Variants in PRPF6 observed in about 807,000 individuals in gnomAD.
The protein encoded by PRPF6 is pre-mRNA processing factor 6.
Under a neutral mutation model 118.3 loss-of-function variants are expected in PRPF6, and 42 were observed. The ratio of observed to expected loss-of-function variants is 0.35; its 90% confidence interval spans 0.28 to 0.46. The LOEUF is 0.46. Among genes scored for constraint, PRPF6 ranks in the 20% least tolerant of loss-of-function variants. PRPF6 has a pLI of 1.00. For synonymous variants in PRPF6, 481 were observed against 485.1 expected, an observed-to-expected ratio of 0.99 and a Z score of 0.11; for missense variants, 662 against 1,255.7, an observed-to-expected ratio of 0.53 and a Z score of 7.15.
chr20:64,019,781 G>T (rs2059254671), intron 12 of PRPF6, among the ~76,000 whole-genome samples: 2 of 152,226 alleles, frequency 1.3e-5, no homozygotes, highest in Non-Finnish European at 2.9e-5. Context: ...GGCCCTTGCT[G>T]GTTTCTGTGC....
Position 64,001,068 on chromosome 20 carries a change from G to C in PRPF6, c.1024-9G>C. The C allele has an allele frequency of 2.5e-6, 4 of 1,613,898 alleles. No homozygotes were observed. Among genetic ancestry groups the C allele is most frequent in the Non-Finnish European group, 3.4e-6 (4 of 1,179,946 alleles). On this transcript the variant is annotated splice_polypyrimidine_tract_variant and intron_variant, in intron 8 of 20. Transcript: ENST00000266079. ...CTGAGCCTTATTGGTCTTATCTCTT[G>C]CCTCACAGAGTGAAGATGTCTGGCT...
At chr20:63,997,845 G>A (rs1183018105) in intron 6 of PRPF6, among the ~76,000 whole-genome samples, 1 of 152,056 alleles carries the variant, frequency 6.6e-6, no homozygotes. Context: ...AAAGTGCTGG[G>A]ATTACAGGCA....
In PRPF6 at chr20:64,025,989, C is replaced by T. The variant is rs757720133; in HGVS notation, c.1959C>T (p.Ser653=). The T allele has an allele frequency of 2.0e-5, 32 of 1,613,270 alleles. No individual in the cohort carries two copies. The African/African-American group carries it at 2.7e-4, about 13-fold the overall frequency. The change falls in exon 15 of 21, where the codon TCC becomes TCT. Residue 653 remains serine, a synonymous_variant. Transcript: ENST00000266079. The part of the protein sequence containing the change: ...EIWLAAVKLE[S]ENDEYERARR... ...GGCTGGCAGCCGTGAAGCTGGAGTC[C>T]GAGAATGATGAGTACGAGCGGGCCC...
chr20:64,029,626 C>A lies in PRPF6; in HGVS notation c.2546+135C>A. 1.3e-6 allele frequency: 1 copy of A among 787,060 alleles called. No individual in the cohort carries two copies. The highest frequency in any genetic ancestry group is 2.1e-6 in the Non-Finnish European group (1 of 472,374). 48.8% of individuals were successfully genotyped at this position (787,060 alleles called of 1,614,324 possible). On this transcript the variant is annotated intron_variant, in intron 19 of 20. Transcript: ENST00000266079. This position sits in a 1 kb window ranked among gnomAD's most constrained non-coding sequence, Gnocchi z 4.8. ...GGCTTCCCCGATCCTCGGCTGCCGT[C>A]GCTCCTGCTGTGGTCTGGGGCAGGC... is the stretch of plus-strand genomic sequence containing the variant.
At chr20:63,998,886 GTTA>G (rs1448264761) in intron 6 of PRPF6, among the ~76,000 whole-genome samples, 156 bp from the exon 7 acceptor site, 1 of 151,762 alleles carries the variant, frequency 6.6e-6, no homozygotes, top group Non-Finnish European at 1.5e-5. Flanking sequence ...GAAGAAATTT[GTTA>G]TTATCACAAG....
chr20:64,025,760 T>G (rs531247705), intron 14 of PRPF6, among the ~76,000 whole-genome samples, 179 bp from the exon 15 acceptor site: 2 of 152,356 alleles, frequency 1.3e-5, no homozygotes, highest in South Asian at 4.1e-4. Context: ...CAGGTGAGTC[T>G]GGATTCTTGC....
intron 6 of PRPF6, among the ~76,000 whole-genome samples, chr20:63,997,849 A>G (rs1416500936): frequency 1.3e-5 from 2 of 152,022 alleles, no homozygotes; most frequent in Non-Finnish European, 1.5e-5. Context: ...TGCTGGGATT[A>G]CAGGCATGAG....
At chr20:63,992,449 A>T (rs1169259659) in intron 3 of PRPF6, among the ~76,000 whole-genome samples, 1 of 151,452 alleles carries the variant, frequency 6.6e-6, no homozygotes, top group Non-Finnish European at 1.5e-5. Context: ...TTTAGTATAG[A>T]TGGGGTTTTA....
At chr20:63,993,655 T>TA (rs895878294) in intron 4 of PRPF6, among the ~76,000 whole-genome samples, 170 bp downstream of exon 4, 28 of 149,986 alleles carry the variant, frequency 1.9e-4, no homozygotes, top group African/African-American at 3.6e-4. Context: ...TATATGTGTG[T>TA]AAAAAAAAAC....
At chr20:64,013,874 A>G (rs2059226225) in intron 11 of PRPF6, among the ~76,000 whole-genome samples, 1 of 152,148 alleles carries the variant, frequency 6.6e-6, no homozygotes, top group Admixed American at 6.6e-5. Context: ...CACCCCAGAA[A>G]GAAATCCTGT....
chr20:63,985,676 GAC>G (rs1482203582), intron 3 of PRPF6, among the ~76,000 whole-genome samples: 1 of 152,286 alleles, frequency 6.6e-6, no homozygotes, highest in African/African-American at 2.4e-5. Flanking sequence ...GATGTTAAAT[GAC>G]ACATACAAGC....
At chr20:64,015,655 A>C (rs2059233482) in intron 11 of PRPF6, among the ~76,000 whole-genome samples, 1 of 152,202 alleles carries the variant, frequency 6.6e-6, no homozygotes, top group South Asian at 2.1e-4. Context: ...TGCTGGGTCA[A>C]ATATGTGCCT....
chr20:63,993,259 TGTG>T, intron 3 of PRPF6, 145 bp from the exon 4 acceptor site: 1 of 393,256 alleles, frequency 2.5e-6, no homozygotes, highest in Non-Finnish European at 4.7e-6. Context: ...TGTGTGTGTG[TGTG>T]TATATGTATA....
Position 64,029,886 on chromosome 20 carries a change from G to T in PRPF6, c.2546+395G>T, listed in dbSNP as rs1277524523. Among the ~76,000 whole-genome samples, 7 of 150,574 alleles carry T rather than the reference G, an allele frequency of 4.6e-5. No individual in the cohort carries two copies. The highest frequency in any genetic ancestry group is 9.8e-5 in the African/African-American group (4 of 40,866). On this transcript the variant is annotated intron_variant, in intron 19 of 20. Coordinates refer to ENST00000266079, the MANE Select transcript of PRPF6 (RefSeq NM_012469.4). The surrounding 1 kb of genome is among the most constrained non-coding windows in gnomAD (Gnocchi z 4.8). ...GGACGCATGTGATTCACACTGGTGC[G>T]CTGGCCGCCGGGTCAGAGACTCACT...
In PRPF6 at chr20:63,999,798, G is replaced by A. The variant is rs181197204; in HGVS notation, c.1023+39G>A. The A allele has an allele frequency of 2.5e-4, 396 of 1,610,668 alleles. No homozygotes were observed. The African/African-American group carries it at 3.8e-3, about 16-fold the overall frequency. ...TGGGAGGCGTTTCCTGGGAGGCTGC[G>A]TGATTGTGGCCCCTACGGGAGTAAA... is the stretch of plus-strand genomic sequence containing the variant. On this transcript the variant is annotated intron_variant, in intron 8 of 20. Transcript: ENST00000266079.
At chr20:64,031,881 CCACT>C (rs1274313048) in intron 19 of PRPF6, 33 bp from the exon 20 acceptor site, 3 of 1,613,828 alleles carry the variant, frequency 1.9e-6, no homozygotes, top group South Asian at 1.1e-5. Context: ...CGTCCTGCAG[CCACT>C]CACTCTGGGT....
intron 9 of PRPF6, among the ~76,000 whole-genome samples, chr20:64,007,862 C>T (rs946066588): frequency 2.6e-5 from 4 of 152,148 alleles, no homozygotes; most frequent in Non-Finnish European, 5.9e-5. Context: ...ATTGCACCTG[C>T]GCCTTCTGGG....
chr20:64,030,802 A>G (rs939967698), intron 19 of PRPF6, among the ~76,000 whole-genome samples: 1 of 152,272 alleles, frequency 6.6e-6, no homozygotes, highest in Non-Finnish European at 1.5e-5. Context: ...CAAGGCTTAA[A>G]AAACAATCAG....
chr20:63,998,851 A>AAAC (rs1193692365), intron 6 of PRPF6, among the ~76,000 whole-genome samples, 194 bp from the exon 7 acceptor site: 1 of 152,108 alleles, frequency 6.6e-6, no homozygotes, highest in African/African-American at 2.4e-5. Context: ...CAAAAAAAAA[A>AAAC]AAAAAATAGA....
Sources: allele counts gnomAD v4.1 joint callset (sites outside exome capture counted in the v4.1 genomes callset), GRCh38; gene constraint gnomAD v4.1.1; non-coding constraint Gnocchi (gnomAD v3.1); transcripts MANE v1.5; gene names NCBI Gene and HGNC (gene_info 2026-07-23, HGNC 2026-07-21).